Variants in GPR176 observed in about 807,000 individuals in gnomAD.
The protein encoded by GPR176 is G-protein coupled receptor 176.
A neutral mutation model predicts 35.4 loss-of-function variants in GPR176; 26 were observed. That is an observed-to-expected ratio of 0.74 (90% CI 0.54 to 1.02). The LOEUF is 1.02. Ranked by LOEUF, GPR176 falls within the 50% of genes least tolerant of loss-of-function variation. The pLI is 0.00. For missense variants in GPR176, 597 were observed against 665.3 expected, an observed-to-expected ratio of 0.90 and a Z score of 1.13; for synonymous variants, 278 against 271.3, an observed-to-expected ratio of 1.02 and a Z score of -0.24.
At position 39,804,784 on chromosome 15, in the gene GPR176, T is replaced by C. The variant is rs192008990; in HGVS notation, c.425+2222A>G. Among the ~76,000 whole-genome samples, 36 of 152,310 alleles carry C rather than the reference T, an allele frequency of 2.4e-4. 2 individuals are homozygous for C. In the East Asian group the frequency reaches 6.9e-3, roughly 29 times the overall value. Reference sequence around the variant, plus strand: ...CCATGAAAAATGAATGAAGTACTGATACATTCTATAACATGAACTTTGAAA... The same window carrying C: ...CCATGAAAAATGAATGAAGTACTGACACATTCTATAACATGAACTTTGAAA... On this transcript the variant is annotated intron_variant, in intron 2 of 2. Coordinates refer to ENST00000561100, the MANE Select transcript of GPR176 (RefSeq NM_007223.3).
At chr15:39,833,334 G>A (rs1047674490) in intron 1 of GPR176, among the ~76,000 whole-genome samples, 2 of 152,126 alleles carry the variant, frequency 1.3e-5, no homozygotes, top group African/African-American at 4.8e-5. Flanking sequence ...AAAGAATGAT[G>A]TGCTGATACA....
chr15:39,803,271 CTTTTTTT>C (rs769645892), intron 2 of GPR176, among the ~76,000 whole-genome samples: 11 of 85,542 alleles, frequency 1.3e-4, no homozygotes, highest in African/African-American at 2.1e-4. Context: ...ACAAGTACTT[CTTTTTTT>C]TTTTTTTTTT....
At chr15:39,846,691 C>A (rs548304181) in intron 1 of GPR176, among the ~76,000 whole-genome samples, 1 of 152,112 alleles carries the variant, frequency 6.6e-6, no homozygotes, top group African/African-American at 2.4e-5. Flanking sequence ...ACATTTTTCA[C>A]GTGCTGAAAG....
intron 1 of GPR176, among the ~76,000 whole-genome samples, chr15:39,814,487 A>T (rs1899769989): frequency 6.6e-6 from 1 of 152,058 alleles, no homozygotes. Flanking sequence ...TTCCTTCGTT[A>T]ATCTGTAATC....
chr15:39,814,973 T>C (rs1226791628), intron 1 of GPR176: 1 of 152,192 alleles, frequency 6.6e-6, no homozygotes, highest in Non-Finnish European at 1.5e-5. Context: ...AATAACAAAG[T>C]CTATGTGCAA....
intron 1 of GPR176, among the ~76,000 whole-genome samples, chr15:39,878,961 G>A (rs2032367238): frequency 6.6e-6 from 1 of 152,262 alleles, no homozygotes; most frequent in African/African-American, 2.4e-5. Context: ...GATGAGGTAA[G>A]ATGAGAGTAG....
At chr15:39,857,971 CAAAA>C (rs551565660) in intron 1 of GPR176, among the ~76,000 whole-genome samples, 1 of 77,352 alleles carries the variant, frequency 1.3e-5, no homozygotes. Flanking sequence ...ACTCCTTCTC[CAAAA>C]AAAAAAAAAA....
chr15:39,895,577 G>C (rs187358383), intron 1 of GPR176, among the ~76,000 whole-genome samples: 1 of 151,986 alleles, frequency 6.6e-6, no homozygotes, highest in African/African-American at 2.4e-5. Flanking sequence ...TTAAAAGGCA[G>C]TTTTCAAAAA....
chr15:39,814,608 G>A (rs1209377509), intron 1 of GPR176, among the ~76,000 whole-genome samples: 4 of 152,136 alleles, frequency 2.6e-5, no homozygotes, highest in Admixed American at 6.6e-5. Context: ...GTTTTTCTCA[G>A]ATGGTTCCTA....
At chr15:39,807,360 G>A in intron 1 of GPR176, 102 bp from the exon 2 acceptor site, 1 of 807,716 alleles carries the variant, frequency 1.2e-6, no homozygotes, top group Non-Finnish European at 1.8e-6. Flanking sequence ...ACATTTGAGA[G>A]TTGATTTCAA....
At chr15:39,868,531 A>G (rs1030082416) in intron 1 of GPR176, among the ~76,000 whole-genome samples, 5 of 152,236 alleles carry the variant, frequency 3.3e-5, no homozygotes, top group Non-Finnish European at 4.4e-5. Context: ...ATGGCTAATC[A>G]TGGTATCTAG....
At chr15:39,914,309 C>CTTTTTT (rs5812146) in intron 1 of GPR176, among the ~76,000 whole-genome samples, 17 of 71,146 alleles carry the variant, frequency 2.4e-4, no homozygotes, top group African/African-American at 4.2e-4. Flanking sequence ...ATATCTTATT[C>CTTTTTT]TTTTTTTTTT....
At chr15:39,864,324 C>G (rs1305686012) in intron 1 of GPR176, among the ~76,000 whole-genome samples, 1 of 152,006 alleles carries the variant, frequency 6.6e-6, no homozygotes, top group Admixed American at 6.6e-5. Context: ...AACAGAGAAC[C>G]CAGAAATAAA....
At chr15:39,880,865 G>T (rs772534954) in intron 1 of GPR176, among the ~76,000 whole-genome samples, 1 of 152,086 alleles carries the variant, frequency 6.6e-6, no homozygotes, top group East Asian at 1.9e-4. Context: ...TAGAAATCAC[G>T]ACAGCCTCAT....
At chr15:39,857,964 CCTT>C (rs1473403296) in intron 1 of GPR176, among the ~76,000 whole-genome samples, 3 of 145,910 alleles carry the variant, frequency 2.1e-5, no homozygotes, top group South Asian at 4.3e-4. Context: ...GTGTGAGACT[CCTT>C]CTCCAAAAAA....
At chr15:39,868,520 C>T (rs568857999) in intron 1 of GPR176, among the ~76,000 whole-genome samples, 2 of 152,202 alleles carry the variant, frequency 1.3e-5, no homozygotes, top group Non-Finnish European at 2.9e-5. Context: ...GGAACTGGCA[C>T]ATGGCTAATC....
intron 1 of GPR176, among the ~76,000 whole-genome samples, chr15:39,893,947 C>A (rs2032983957): frequency 8.2e-6 from 1 of 122,052 alleles, no homozygotes; most frequent in African/African-American, 3.3e-5. Context: ...GGGCGGCTGG[C>A]CGGGCGGGGG....
intron 1 of GPR176, chr15:39,807,724 T>C: frequency 1.7e-6 from 1 of 595,276 alleles, no homozygotes; most frequent in Non-Finnish European, 3.0e-6. Flanking sequence ...TTTAATAATA[T>C]TTTTTATTCA....
Position 39,801,177 on chromosome 15 carries a change from C to A in GPR176, c.1503G>T (p.Met501Ile), listed in dbSNP as rs534635587. The A allele has an allele frequency of 2.0e-5, 33 of 1,612,582 alleles. 1 individual carries two copies. In the South Asian group the frequency reaches 3.5e-4, roughly 17 times the overall value. ...VPKVGRVERK[M>I]SRNNKVSIFP... ...AAATGCTCACTTTATTGTTTCTGCT[C>A]ATCTTCCGCTCCACCCTGCCTACCT... Residue 501 changes from methionine (M) to isoleucine (I), a missense_variant, in exon 3 of 3, where the codon ATG (methionine) becomes ATT (isoleucine). Physicochemically the swap from Met to Ile is conservative, Grantham distance 10 (BLOSUM62 1). Coordinates refer to ENST00000561100, the MANE Select transcript of GPR176 (RefSeq NM_007223.3).
Sources: gnomAD v4.1 joint callset for allele counts (sites outside exome capture counted in the v4.1 genomes callset) on GRCh38, gnomAD v4.1.1 for gene constraint, MANE v1.5 for transcripts, NCBI Gene and HGNC (gene_info 2026-07-23, HGNC 2026-07-21) for gene names.